KIF1A: variants seen among roughly 807,000 people sequenced by gnomAD.
The protein encoded by KIF1A is kinesin-like protein KIF1A.
Under a neutral mutation model 227.3 loss-of-function variants are expected in KIF1A, and 46 were observed. The ratio of observed to expected loss-of-function variants is 0.20; its 90% CI spans 0.16 to 0.26. The LOEUF (loss-of-function observed/expected upper bound fraction) is 0.26. KIF1A is among the 10% of genes least tolerant of loss of function. KIF1A has a pLI of 1.00. For missense variants in KIF1A, 1,683 were observed against 2,485.9 expected (o/e 0.68, Z 6.87); for synonymous variants, 1,022 against 1,012.8 (o/e 1.01, Z -0.17).
chr2:240,809,320 A>T lies in KIF1A; in HGVS notation c.-61+10802T>A, dbSNP rs377570003. On this transcript the variant is annotated intron_variant, in intron 1 of 48. Coordinates refer to ENST00000498729, the MANE Select transcript of KIF1A (RefSeq NM_001244008.2). ...AAAAAAGACCAGAGGGCAGAGGGCA[A>T]CACGCCCTATGATCTCGAGCCTTGG... is the stretch of plus-strand genomic sequence containing the variant. Among the ~76,000 whole-genome samples the T allele has an allele frequency of 5.8e-4, 88 of 152,330 alleles. 1 individual carries two copies. The South Asian group carries it at 0.018, about 31-fold the overall frequency.
Position 240,789,322 on chromosome 2 carries a change from G to T in KIF1A, c.107-10C>A, listed in dbSNP as rs765136234. ...TTGGGGTTAACAATGGCTGTGGGAG[G>T]GAACACAGGTGGTTAGCGCTGTGCT... On this transcript the variant is annotated splice_polypyrimidine_tract_variant and intron_variant, in intron 2 of 48. Coordinates refer to ENST00000498729, the MANE Select transcript of KIF1A (RefSeq NM_001244008.2). The surrounding 1 kb of genome is among the most constrained non-coding windows in gnomAD (Gnocchi z 4.8). The T allele has an allele frequency of 4.3e-6, 7 of 1,611,364 alleles. No individual in the cohort carries two copies. The Admixed American group carries it at 1.0e-4, about 23-fold the overall frequency.
Position 240,761,322 on chromosome 2 carries a change from C to G in KIF1A, c.2172G>C (p.Lys724Asn), listed in dbSNP as rs1179435841. ...ELALWAFRKW[K>N]WYQFTSLRDL... is the part of the protein sequence containing the mutation. ...CCCGCAGAGACGTGAACTGGTACCA[C>G]TTCCACTTCCGGAAGGCCCAGAGCG... The change falls in exon 24 of 49, where the codon AAG (lysine) becomes AAC (asparagine). Residue 724 changes from lysine (K) to asparagine (N), a missense_variant. By Grantham distance (94) the Lys-to-Asn change is moderately conservative. Around this residue, in one of 12 missense-constraint regions of KIF1A, gnomAD observed 217 missense variants for 427.0 expected, o/e 0.51. Coordinates refer to ENST00000498729, the MANE Select transcript of KIF1A (RefSeq NM_001244008.2). 2.5e-6 allele frequency: 4 copies of G among 1,613,722 alleles called. No homozygotes were observed. The highest frequency in any genetic ancestry group is 3.4e-6 in the Non-Finnish European group (4 of 1,179,762).
rs187770488 is a variant in KIF1A, at chr2:240,757,017, G to C, written c.2858+302C>G. ...TTCCTACGGCCTCTCTGCAGAAATA[G>C]TCCCACCTGCCTGGGGCCACAGCTG... On this transcript the variant is annotated intron_variant, in intron 27 of 48. Coordinates refer to ENST00000498729, the MANE Select transcript of KIF1A (RefSeq NM_001244008.2). The surrounding 1 kb of genome is among the most constrained non-coding windows in gnomAD (Gnocchi z 6.2). 5.3e-5 allele frequency among the ~76,000 whole-genome samples: 8 copies of C among 152,350 alleles called. No homozygotes were observed. The East Asian group carries it at 1.5e-3, about 29-fold the overall frequency.
chr2:240,721,153 C>A, intron 44 of KIF1A, 115 bp from the exon 45 acceptor site: 2 of 1,349,594 alleles, frequency 1.5e-6, no homozygotes, highest in Non-Finnish European at 2.0e-6. Context: ...GCACCCCACC[C>A]CTCCTACCAG....
At position 240,714,306 on chromosome 2, in the gene KIF1A, T is replaced by G. The variant is rs1212040403; in HGVS notation, c.*3058A>C. 6.6e-6 allele frequency: 1 copy of G among 152,400 alleles called. No individual in the cohort carries two copies. Among genetic ancestry groups the G allele is most frequent in the Non-Finnish European group, 1.5e-5 (1 of 68,122 alleles). The allele number at this position is 152,400 out of a possible 1,614,324, so 9.4% of individuals were successfully genotyped here. A position where few individuals can be genotyped will look rare whatever the true frequency, so the allele number is the denominator to read the frequency against. ...GCATCTTCTCAGCGATGACTCCCAGTGGGAGGCCTTGGACTTGGCACCCCT... is the reference window on the plus strand; with the variant it reads ...GCATCTTCTCAGCGATGACTCCCAGGGGGAGGCCTTGGACTTGGCACCCCT... On this transcript the variant is annotated 3_prime_UTR_variant, in exon 49 of 49. Coordinates refer to ENST00000498729, the MANE Select transcript of KIF1A (RefSeq NM_001244008.2).
rs1214021723 is a variant in KIF1A, at chr2:240,725,393, G to A, written c.4134C>T (p.Cys1378=). 3.7e-6 allele frequency: 6 copies of A among 1,612,372 alleles called. No homozygotes were observed. The highest frequency in any genetic ancestry group is 5.1e-6 in the Non-Finnish European group (6 of 1,179,730). Residue 1378 remains cysteine, a synonymous_variant, in exon 40 of 49, where the codon TGC becomes TGT. Coordinates refer to ENST00000498729, the MANE Select transcript of KIF1A (RefSeq NM_001244008.2). The surrounding 1 kb of genome is among the most constrained non-coding windows in gnomAD (Gnocchi z 5.8). The stretch of plus-strand genomic sequence containing the variant: ...CCTTGGTGACAACAGCCGGCTGGGT[G>A]CAGTTCTCCATCTGAGATAGGCGGG... ...TLSAYIEMEN[C]TQPAVVTKDF...
chr2:240,724,294 G>C, intron 40 of KIF1A: 1 of 535,006 alleles, frequency 1.9e-6, no homozygotes, highest in Non-Finnish European at 3.4e-6. Context: ...CCCCACAGCA[G>C]CCTCCACTTT....
Position 240,790,538 on chromosome 2 carries a change from C to T in KIF1A, c.107-1226G>A, listed in dbSNP as rs951687024. Among the ~76,000 whole-genome samples, 3 of 151,994 alleles carry T rather than the reference C, an allele frequency of 2.0e-5. No individual in the cohort carries two copies. The highest frequency in any genetic ancestry group is 6.6e-5 in the Admixed American group (1 of 15,256). On this transcript the variant is annotated intron_variant, in intron 2 of 48. Transcript: ENST00000498729. The surrounding 1 kb of genome is among the most constrained non-coding windows in gnomAD (Gnocchi z 5.0). ...CACGGAGAACAAAATGCCCCAGTTA[C>T]GAGTTAAACTGTGTCCCCCTAATTT...
rs1223991696 is a variant in KIF1A at position 240,743,931 on chromosome 2, AG to A, written c.3584+10del. 6.3e-7 allele frequency: 1 copy of A among 1,586,254 alleles called. No homozygotes were observed. The highest frequency in any genetic ancestry group is 8.7e-7 in the Non-Finnish European group (1 of 1,155,586). ...ACAGCAGCCCCGAACCCCCCGACCC[AG>A]GGCGCTAACCTGAGCACGTCCTTGC... is the stretch of plus-strand genomic sequence containing the variant. On this transcript the variant is annotated intron_variant, in intron 33 of 48. Coordinates refer to ENST00000498729, the MANE Select transcript of KIF1A (RefSeq NM_001244008.2).
rs1432211614 is a variant in KIF1A at position 240,723,463 on chromosome 2, G to T, written c.4414C>A (p.Leu1472Ile). The change falls in exon 42 of 49, where the codon CTC becomes ATC. Residue 1472 changes from leucine (L) to isoleucine (I), a missense_variant. Leu to Ile is a conservative substitution (Grantham distance 5, BLOSUM62 2). This residue lies in a region of KIF1A where 759 missense variants were observed against 1,020.2 expected (regional missense o/e 0.74). Coordinates refer to ENST00000498729, the MANE Select transcript of KIF1A (RefSeq NM_001244008.2). ...LAGWRPRSDS[L>I]ILDHQWELEK... is the part of the protein sequence containing the mutation. Reference sequence around the variant, plus strand: ...AGCTCCCACTGGTGGTCCAGAATGAGACTGTCACTCCGGGGCCTCCAGCCT... The same window carrying T: ...AGCTCCCACTGGTGGTCCAGAATGATACTGTCACTCCGGGGCCTCCAGCCT... 2 of 1,552,200 alleles carry T rather than the reference G, an allele frequency of 1.3e-6. No homozygotes were observed. Among genetic ancestry groups the T allele is most frequent in the Non-Finnish European group, 1.7e-6 (2 of 1,148,098 alleles).
In KIF1A at chr2:240,737,165, C is replaced by T. The variant is rs376697478; in HGVS notation, c.3905G>A (p.Arg1302His). The T allele has an allele frequency of 2.4e-5, 39 of 1,612,536 alleles. No individual in the cohort carries two copies. Among genetic ancestry groups the T allele is most frequent in the Admixed American group, 5.0e-5 (3 of 59,952 alleles). Residue 1302 changes from arginine to histidine, a missense_variant, in exon 38 of 49, where the codon CGC becomes CAC. Around this residue, in one of 12 missense-constraint regions of KIF1A, gnomAD observed 759 missense variants for 1,020.2 expected, o/e 0.74. Transcript: ENST00000498729. Reference sequence around the variant, plus strand: ...GTCGGTCTCTGGAGTGTTTCGGATGCGGCCTGCAGAAAAGGCAACGGGCCA... The same window carrying T: ...GTCGGTCTCTGGAGTGTTTCGGATGTGGCCTGCAGAAAAGGCAACGGGCCA... ...WKEVRELVVG[R>H]IRNTPETDES...
rs35664935 is a variant in KIF1A, at chr2:240,745,830, G to A, written c.3282C>T (p.His1094=). ...LDGPLDAALD[H]LRLGNTFTFR... is the part of the protein sequence containing the mutation. ...AGGTGAAGGTGTTGCCCAGGCGGAG[G>A]TGGTCCAGGGCAGCATCCAGGGGCC... The change falls in exon 31 of 49, where the codon CAC becomes CAT. Residue 1094 remains histidine, a synonymous_variant. Transcript: ENST00000498729. 5,107 of 1,612,936 alleles carry A rather than the reference G, an allele frequency of 3.2e-3. 142 individuals carry two copies. The African/African-American group carries it at 0.058, about 18-fold the overall frequency.
chr2:240,721,702 T>C (rs1349337668), intron 44 of KIF1A, 105 bp downstream of exon 44: 18 of 939,556 alleles, frequency 1.9e-5, no homozygotes, highest in South Asian at 4.2e-5. Context: ...CCTAGGAAAC[T>C]CTTAACTGCC....
chr2:240,787,674 A>C (rs930005398), intron 4 of KIF1A, among the ~76,000 whole-genome samples: 4 of 152,178 alleles, frequency 2.6e-5, no homozygotes, highest in African/African-American at 9.7e-5. Flanking sequence ...TTCCTGCAGC[A>C]AATGAGGAGC....
At chr2:240,720,803 C>T (rs1354492713) in intron 45 of KIF1A, 111 bp downstream of exon 45, 8 of 1,312,676 alleles carry the variant, frequency 6.1e-6, no homozygotes, top group African/African-American at 4.5e-5. Flanking sequence ...CACCCCAAGG[C>T]ACTCGGCCAT....
intron 28 of KIF1A, among the ~76,000 whole-genome samples, chr2:240,748,174 C>A (rs2048823090): frequency 1.3e-5 from 2 of 152,182 alleles, no homozygotes; most frequent in Admixed American, 6.5e-5. Flanking sequence ...CAGTATATGA[C>A]ATGGGATAGC....
intron 1 of KIF1A, among the ~76,000 whole-genome samples, chr2:240,819,908 G>C (rs954346105): frequency 6.6e-6 from 1 of 152,188 alleles, no homozygotes; most frequent in Non-Finnish European, 1.5e-5. Context: ...GGACACCCCT[G>C]AATTTCCCCC....
intron 25 of KIF1A, among the ~76,000 whole-genome samples, chr2:240,759,320 C>T (rs1276229112): frequency 2.0e-5 from 3 of 152,110 alleles, no homozygotes; most frequent in Non-Finnish European, 4.4e-5. Flanking sequence ...CTTGCCATCA[C>T]CCCTGCCTTT....
At chr2:240,721,591 A>C (rs376418460) in intron 44 of KIF1A, among the ~76,000 whole-genome samples, 1 of 151,754 alleles carries the variant, frequency 6.6e-6, no homozygotes, top group East Asian at 2.0e-4. Flanking sequence ...CACAGGACCC[A>C]CCCGGCCCCT....
Sources: allele counts gnomAD v4.1 joint callset (sites outside exome capture counted in the v4.1 genomes callset), GRCh38; gene constraint gnomAD v4.1.1; regional missense constraint gnomAD v4.1.1; non-coding constraint Gnocchi (gnomAD v3.1); transcripts MANE v1.5; gene names NCBI Gene and HGNC (gene_info 2026-07-23, HGNC 2026-07-21).